The following PRKD1 variants were observed in gnomAD, a reference collection of about 807,000 sequenced individuals.
The protein encoded by PRKD1 is serine/threonine-protein kinase D1.
PRKD1 carries 63 observed loss-of-function variants against 95.9 expected under a neutral mutation model. The ratio of observed to expected loss-of-function variants is 0.66; its 90% CI spans 0.54 to 0.81. The LOEUF is 0.81. Ranked by LOEUF, PRKD1 falls within the 30% of genes least tolerant of loss-of-function variation. The pLI is 0.00. For synonymous variants in PRKD1, 425 were observed against 423.1 expected (o/e 1.00, Z -0.05); for missense variants, 1,048 against 1,165.3 (o/e 0.90, Z 1.47).
intron 1 of PRKD1, among the ~76,000 whole-genome samples, chr14:29,886,384 G>A (rs1215362927): frequency 2.6e-5 from 4 of 152,248 alleles, no homozygotes; most frequent in Non-Finnish European, 4.4e-5. Context: ...CTTTCCAAAC[G>A]TAGATACATC....
chr14:29,863,999 T>C (rs1566643180), intron 1 of PRKD1, among the ~76,000 whole-genome samples: 1 of 152,164 alleles, frequency 6.6e-6, no homozygotes, highest in Non-Finnish European at 1.5e-5. Context: ...AACAGTATGA[T>C]ATTGTGTGCG....
chr14:29,905,674 A>AATG (rs1285297038), intron 1 of PRKD1, among the ~76,000 whole-genome samples: 1 of 152,188 alleles, frequency 6.6e-6, no homozygotes, highest in Non-Finnish European at 1.5e-5. Flanking sequence ...ACCTCCCATG[A>AATG]ATGATTGACG....
chr14:29,916,469 T>C (rs967306363), intron 1 of PRKD1, among the ~76,000 whole-genome samples: 2 of 152,204 alleles, frequency 1.3e-5, no homozygotes, highest in Admixed American at 1.3e-4. Context: ...CCACCACTGA[T>C]TCAAAGTCAT....
intron 1 of PRKD1, among the ~76,000 whole-genome samples, chr14:29,869,966 C>T (rs939198316): frequency 1.3e-5 from 2 of 152,166 alleles, no homozygotes; most frequent in Non-Finnish European, 2.9e-5. Context: ...CCCACTTTCT[C>T]CTTTCCTCAT....
At chr14:29,853,207 C>A (rs1892373765) in intron 1 of PRKD1, among the ~76,000 whole-genome samples, 1 of 152,130 alleles carries the variant, frequency 6.6e-6, no homozygotes, top group South Asian at 2.1e-4. Context: ...TGTTCATACA[C>A]CTAATAATAG....
rs372489702 is a variant in PRKD1, at chr14:29,577,507, T to C, written c.2521-51A>G. The C allele has an allele frequency of 4.9e-5, 75 of 1,518,216 alleles. No individual in the cohort carries two copies. In the African/African-American group the frequency reaches 7.8e-4, roughly 16 times the overall value. The allele number at this position is 1,518,216 out of a possible 1,614,324, so 94.0% of individuals were successfully genotyped here. A position where few individuals can be genotyped will look rare whatever the true frequency, so the allele number is the denominator to read the frequency against. ...CCATAGAGATCATTACAACTCAACA[T>C]ACTGTTTCATATGATGTCAGTTTCT... On this transcript the variant is annotated intron_variant, in intron 17 of 17. Transcript: ENST00000331968.
At chr14:29,867,909 A>C (rs1892966431) in intron 1 of PRKD1, among the ~76,000 whole-genome samples, 1 of 152,212 alleles carries the variant, frequency 6.6e-6, no homozygotes, top group Non-Finnish European at 1.5e-5. Flanking sequence ...TATGAAGGAA[A>C]CAGGGTGGGA....
chr14:29,736,055 T>C (rs564941493), intron 1 of PRKD1, among the ~76,000 whole-genome samples: 332 of 152,310 alleles, frequency 2.2e-3, no homozygotes, highest in Non-Finnish European at 3.3e-3. Context: ...ATATTCTCTC[T>C]CCTATATCCA....
At chr14:29,608,137 C>G (rs1878149722) in intron 13 of PRKD1, among the ~76,000 whole-genome samples, 1 of 152,144 alleles carries the variant, frequency 6.6e-6, no homozygotes, top group Admixed American at 6.5e-5. Flanking sequence ...TTTTGCCAAT[C>G]TGGATGCATC....
chr14:29,782,764 T>C (rs571854366), intron 1 of PRKD1, among the ~76,000 whole-genome samples: 2 of 152,196 alleles, frequency 1.3e-5, no homozygotes, highest in Non-Finnish European at 2.9e-5. Context: ...AGGCTGGTCT[T>C]GAACTCCCAG....
At chr14:29,686,646 G>A (rs180882609) in intron 2 of PRKD1, among the ~76,000 whole-genome samples, 1 of 152,282 alleles carries the variant, frequency 6.6e-6, no homozygotes, top group African/African-American at 2.4e-5. Flanking sequence ...AGTATTCCAT[G>A]TGACTCTACT....
At chr14:29,833,729 T>C (rs1415882793) in intron 1 of PRKD1, among the ~76,000 whole-genome samples, 4 of 152,214 alleles carry the variant, frequency 2.6e-5, no homozygotes, top group Admixed American at 2.6e-4. Context: ...TTCTGAGTGA[T>C]CTCAAAATAA....
At chr14:29,898,791 T>G (rs770113447) in intron 1 of PRKD1, among the ~76,000 whole-genome samples, 39 of 152,260 alleles carry the variant, frequency 2.6e-4, no homozygotes, top group Non-Finnish European at 2.9e-4. Context: ...TGCCTGAGCC[T>G]TCCTTTGATT....
chr14:29,877,727 C>A (rs1471187485), intron 1 of PRKD1, among the ~76,000 whole-genome samples: 2 of 152,194 alleles, frequency 1.3e-5, no homozygotes. Context: ...ATCCCAGCAC[C>A]ATTTATTGGA....
intron 1 of PRKD1, among the ~76,000 whole-genome samples, chr14:29,920,258 A>G (rs1208193038): frequency 6.6e-6 from 1 of 152,162 alleles, no homozygotes; most frequent in Non-Finnish European, 1.5e-5. Flanking sequence ...AAATCACTCT[A>G]AAGTAATGCT....
intron 1 of PRKD1, among the ~76,000 whole-genome samples, chr14:29,916,523 T>C (rs1423011111): frequency 6.6e-6 from 1 of 152,206 alleles, no homozygotes; most frequent in Admixed American, 6.5e-5. Flanking sequence ...TTTCCTGCTT[T>C]TGACAATGGT....
intron 1 of PRKD1, among the ~76,000 whole-genome samples, chr14:29,769,827 C>T (rs559825379): frequency 6.6e-5 from 10 of 152,160 alleles, no homozygotes; most frequent in Non-Finnish European, 1.3e-4. Flanking sequence ...TGTAGATGTA[C>T]TTATACAATA....
chr14:29,857,141 A>G (rs1169282387), intron 1 of PRKD1, among the ~76,000 whole-genome samples: 3 of 152,218 alleles, frequency 2.0e-5, no homozygotes, highest in Non-Finnish European at 4.4e-5. Flanking sequence ...ACCAAATGGT[A>G]TCATGAATAT....
chr14:29,694,574 C>G (rs958365301), intron 2 of PRKD1, among the ~76,000 whole-genome samples: 3 of 152,110 alleles, frequency 2.0e-5, no homozygotes, highest in African/African-American at 4.8e-5. Context: ...GATGTTTCCT[C>G]TAGTGAAGAC....
Sources: gnomAD v4.1 joint callset for allele counts (sites outside exome capture counted in the v4.1 genomes callset) on GRCh38, gnomAD v4.1.1 for gene constraint, MANE v1.5 for transcripts, NCBI Gene and HGNC (gene_info 2026-07-23, HGNC 2026-07-21) for gene names.